Variants in MLX observed in about 807,000 individuals in gnomAD.
MLX encodes max-like protein X.
A neutral mutation model predicts 33.0 loss-of-function variants in MLX; 15 were observed. The ratio of observed to expected loss-of-function variants is 0.45; its 90% CI spans 0.30 to 0.70. The LOEUF (loss-of-function observed/expected upper bound fraction) is 0.70. MLX is among the 30% of genes least tolerant of loss of function. The probability of loss-of-function intolerance (pLI) is 0.07; values close to 1 mark genes in which losing one functional copy is unlikely to be tolerated. For missense variants in MLX, 285 were observed against 306.3 expected (o/e 0.93, Z 0.52); for synonymous variants, 115 against 115.6 (o/e 0.99, Z 0.03).
Position 42,573,175 on chromosome 17 carries a change from A to T in MLX, c.*1572A>T. 1.9e-6 allele frequency: 3 copies of T among 1,614,212 alleles called. No homozygotes were observed. The highest frequency in any genetic ancestry group is 2.5e-6 in the Non-Finnish European group (3 of 1,180,032). On this transcript the variant is annotated 3_prime_UTR_variant, in exon 8 of 8. Coordinates refer to ENST00000435881, the MANE Select transcript of MLX (RefSeq NM_198204.2). Reference sequence around the variant, plus strand: ...TCAGACAGCTCTGTAGCCTGACAAGAAATAAAACCACCCGTTTTCAGATGG... The same window carrying T: ...TCAGACAGCTCTGTAGCCTGACAAGTAATAAAACCACCCGTTTTCAGATGG...
rs142766491 is a variant in MLX, at chr17:42,568,491, G to T, written c.101G>T (p.Arg34Leu). 3 of 1,613,840 alleles carry T rather than the reference G, an allele frequency of 1.9e-6. No homozygotes were observed. In the Admixed American group the frequency reaches 5.0e-5, roughly 27 times the overall value. The change falls in exon 3 of 8, where the codon CGC becomes CTC. Residue 34 changes from arginine (R) to leucine (L), a missense_variant. By Grantham distance (102) the Arg-to-Leu change is moderately radical (BLOSUM62 -2). Transcript: ENST00000435881. ...LDPGLFVEST[R>L]KGSVVSRANS... Reference sequence around the variant, plus strand: ...CCAGGGCTTTTTGTAGAAAGCACCCGCAAGGGGAGTGTAGTGTCCAGAGCT... The same window carrying T: ...CCAGGGCTTTTTGTAGAAAGCACCCTCAAGGGGAGTGTAGTGTCCAGAGCT...
chr17:42,567,490 G>C (rs891580539), intron 1 of MLX, 129 bp from the exon 2 acceptor site: 1 of 1,510,986 alleles, frequency 6.6e-7, no homozygotes, highest in Non-Finnish European at 9.0e-7. Context: ...GGCTGTGTGT[G>C]TGCAAGCGCG....
chr17:42,571,597 T>A lies in MLX; in HGVS notation c.729T>A (p.Leu243=). Residue 243 remains leucine, a synonymous_variant, in exon 8 of 8, where the codon CTT becomes CTA. Transcript: ENST00000435881. ...IGVLHQLKNQ[L]Y is the part of the protein sequence containing the mutation. Reference sequence around the variant, plus strand: ...TCCTGCACCAATTGAAAAACCAGCTTTACTGACCGGTTCTTGGAAACCTGG... The same window carrying A: ...TCCTGCACCAATTGAAAAACCAGCTATACTGACCGGTTCTTGGAAACCTGG... 1 of 1,614,082 alleles carries A rather than the reference T, an allele frequency of 6.2e-7. No homozygotes were observed. The highest frequency in any genetic ancestry group is 8.5e-7 in the Non-Finnish European group (1 of 1,179,978).
At position 42,568,579 on chromosome 17, in the gene MLX, C is replaced by T; in HGVS notation, c.169+20C>T. The T allele has an allele frequency of 6.2e-7, 1 of 1,602,432 alleles. No individual in the cohort carries two copies. The highest frequency in any genetic ancestry group is 8.6e-7 in the Non-Finnish European group (1 of 1,169,462). Reference sequence around the variant, plus strand: ...ACACAGGTAGGCAGTAACATCCCCCCCGACCTCGGGGGGCTCAGATATGTC... The same window carrying T: ...ACACAGGTAGGCAGTAACATCCCCCTCGACCTCGGGGGGCTCAGATATGTC... On this transcript the variant is annotated intron_variant, in intron 3 of 7. Transcript: ENST00000435881.
chr17:42,569,233 C>T lies in MLX; in HGVS notation c.306C>T (p.Val102=). 2 of 1,614,132 alleles carry T rather than the reference C, an allele frequency of 1.2e-6. No homozygotes were observed. The highest frequency in any genetic ancestry group is 8.5e-7 in the Non-Finnish European group (1 of 1,180,026). Residue 102 remains valine, a synonymous_variant, in exon 5 of 8, where the codon GTC becomes GTT. Transcript: ENST00000435881. ...GCTATGATGACCTTCAGACCATCGT[C>T]CCCACTTGCCAGCAGCAGGACTTCT... ...KRGYDDLQTI[V]PTCQQQDFSI...
intron 6 of MLX, 135 bp downstream of exon 6, chr17:42,569,741 T>C: frequency 1.3e-6 from 1 of 772,090 alleles, no homozygotes; most frequent in Admixed American, 2.1e-5. Flanking sequence ...AGTAGGACTG[T>C]GTATCCCCAA....
At chr17:42,570,213 C>T (rs753788908) in intron 7 of MLX, 30 bp downstream of exon 7, 11 of 1,606,780 alleles carry the variant, frequency 6.8e-6, no homozygotes, top group Admixed American at 3.4e-5. Context: ...ACAGGGTCTG[C>T]GGTTTTCTCT....
At chr17:42,570,302 A>G in intron 7 of MLX, 119 bp downstream of exon 7, 1 of 952,022 alleles carries the variant, frequency 1.1e-6, no homozygotes, top group Non-Finnish European at 1.6e-6. Flanking sequence ...GGGCGTTTCT[A>G]CAGCTTTGAG....
chr17:42,571,383 T>C lies in MLX; in HGVS notation c.679-164T>C, dbSNP rs571325159. ...TTCAGGTGATCCACCCGCCTTGGCC[T>C]CCCGAAGTGCTGGGATTATAGGCGT... On this transcript the variant is annotated intron_variant, in intron 7 of 7. Coordinates refer to ENST00000435881, the MANE Select transcript of MLX (RefSeq NM_198204.2). Among the ~76,000 whole-genome samples, 3 of 152,302 alleles carry C rather than the reference T, an allele frequency of 2.0e-5. 1 individual carries two copies. The Middle Eastern group carries it at 0.01, about 518-fold the overall frequency.
rs1264426750 is a variant in MLX at position 42,568,488 on chromosome 17, C to T, written c.98C>T (p.Thr33Ile). The T allele has an allele frequency of 2.5e-6, 4 of 1,613,890 alleles. No homozygotes were observed. Among genetic ancestry groups the T allele is most frequent in the South Asian group, 2.2e-5 (2 of 91,074 alleles). Residue 33 changes from threonine (T) to isoleucine (I), a missense_variant, in exon 3 of 8, where the codon ACC becomes ATC. Transcript: ENST00000435881. ...TTTCCAGGGCTTTTTGTAGAAAGCA[C>T]CCGCAAGGGGAGTGTAGTGTCCAGA... Reference protein sequence around the residue: ...SLDPGLFVESTRKGSVVSRAN... With the variant: ...SLDPGLFVESIRKGSVVSRAN...
intron 6 of MLX, 57 bp downstream of exon 6, chr17:42,569,663 C>A: frequency 7.5e-7 from 1 of 1,338,260 alleles, no homozygotes; most frequent in Non-Finnish European, 1.1e-6. Flanking sequence ...TCATTGCACA[C>A]CCTCCCTTGT....
rs981231715 is a variant in MLX, at chr17:42,571,640, G to T, written c.*37G>T. ...AAACCTGGAGAACAGCCAACAAGAG[G>T]CCCTTGAATCTCTACGTGGCCACTG... On this transcript the variant is annotated 3_prime_UTR_variant, in exon 8 of 8. Transcript: ENST00000435881. 2 of 1,607,308 alleles carry T rather than the reference G, an allele frequency of 1.2e-6. No homozygotes were observed. Among genetic ancestry groups the T allele is most frequent in the African/African-American group, 2.7e-5 (2 of 74,892 alleles).
intron 3 of MLX, 92 bp downstream of exon 3, chr17:42,568,651 C>T (rs2093018876): frequency 1.5e-6 from 2 of 1,304,658 alleles, no homozygotes; most frequent in Non-Finnish European, 2.2e-6. Context: ...GCCATCCACA[C>T]AGGGGTGCTG....
In MLX at chr17:42,567,183, C is replaced by T. The variant is rs768887679; in HGVS notation, c.42+17C>T. 1 of 1,290,896 alleles carries T rather than the reference C, an allele frequency of 7.7e-7. No individual in the cohort carries two copies. Among genetic ancestry groups the T allele is most frequent in the Admixed American group, 3.6e-5 (1 of 27,708 alleles). The allele number at this position is 1,290,896 out of a possible 1,614,324, so 80.0% of individuals were successfully genotyped here. On this transcript the variant is annotated intron_variant, in intron 1 of 7. Coordinates refer to ENST00000435881, the MANE Select transcript of MLX (RefSeq NM_198204.2). ...TGGGTCAAGGCAAGCCCCGTGGGCG[C>T]GCACGCCGGCGAGGGGAGGGCGGGT...
At chr17:42,569,905 A>T in intron 6 of MLX, 77 bp from the exon 7 acceptor site, 1 of 1,378,740 alleles carries the variant, frequency 7.3e-7, no homozygotes, top group Non-Finnish European at 1.0e-6. Flanking sequence ...TCCTGGGAGT[A>T]CACAGGATAG....
chr17:42,571,463 C>A, intron 7 of MLX, 84 bp from the exon 8 acceptor site: 2 of 1,440,322 alleles, frequency 1.4e-6, no homozygotes. Flanking sequence ...TTCTAAAGTA[C>A]ATGGCTGATC....
intron 4 of MLX, 94 bp from the exon 5 acceptor site, chr17:42,569,110 G>T (rs1477201513): frequency 7.4e-7 from 1 of 1,354,558 alleles, no homozygotes; most frequent in Non-Finnish European, 1.1e-6. Context: ...CATTGAGTTT[G>T]TGAGCATAGA....
rs372226958 is a variant in MLX, at chr17:42,573,071, C to A, written c.*1468C>A. On this transcript the variant is annotated 3_prime_UTR_variant, in exon 8 of 8. Coordinates refer to ENST00000435881, the MANE Select transcript of MLX (RefSeq NM_198204.2). ...GAATGAGATGTCACCAGGATAAGAC[C>A]ACAGGGAAGCAAAGAAGGAAGAGAG... 3.1e-6 allele frequency: 5 copies of A among 1,614,056 alleles called. No homozygotes were observed. The African/African-American group carries it at 6.7e-5, about 22-fold the overall frequency.
chr17:42,572,957 C>T lies in MLX; in HGVS notation c.*1354C>T, dbSNP rs765317605. 3 of 1,613,936 alleles carry T rather than the reference C, an allele frequency of 1.9e-6. No homozygotes were observed. Among genetic ancestry groups the T allele is most frequent in the Non-Finnish European group, 8.5e-7 (1 of 1,179,872 alleles). On this transcript the variant is annotated 3_prime_UTR_variant, in exon 8 of 8. Transcript: ENST00000435881. ...ATCCTGCAGTCCCCACCAGTCCTGA[C>T]CGTGGGCCCCTCAGGGGTCTGGGAG...
Sources: allele counts gnomAD v4.1 joint callset (sites outside exome capture counted in the v4.1 genomes callset), GRCh38; gene constraint gnomAD v4.1.1; transcripts MANE v1.5; gene names NCBI Gene and HGNC (gene_info 2026-07-23, HGNC 2026-07-21).